The following SHB variants were observed in gnomAD, a reference collection of about 807,000 sequenced individuals.
The protein encoded by SHB is SH2 domain containing adaptor protein B.
Under a neutral mutation model 52.3 loss-of-function variants are expected in SHB, and 20 were observed. The observed-to-expected ratio is 0.38, with a 90% CI of 0.27 to 0.56. SHB has a LOEUF of 0.56. SHB is among the 20% of genes least tolerant of loss of function. The pLI is 0.71. For synonymous variants in SHB, 397 were observed against 316.5 expected, an observed-to-expected ratio of 1.25 and a Z score of -2.70; for missense variants, 825 against 723.3, an observed-to-expected ratio of 1.14 and a Z score of -1.61.
intron 2 of SHB, among the ~76,000 whole-genome samples, chr9:37,979,228 C>T (rs1366320846): frequency 6.6e-6 from 1 of 152,200 alleles, no homozygotes; most frequent in Non-Finnish European, 1.5e-5. Context: ...TATTAGGTGG[C>T]AGTCTGTAAT....
intron 3 of SHB, among the ~76,000 whole-genome samples, chr9:37,972,029 G>A (rs1013589028): frequency 1.3e-4 from 20 of 152,204 alleles, no homozygotes; most frequent in Non-Finnish European, 2.5e-4. Context: ...TGAGGCCAAT[G>A]CTGCTGGTTC....
chr9:37,974,899 C>T, intron 2 of SHB, 62 bp from the exon 3 acceptor site: 1 of 1,376,418 alleles, frequency 7.3e-7, no homozygotes, highest in Non-Finnish European at 1.0e-6. Flanking sequence ...ACCTGCATTC[C>T]CACCCAGAAA....
At position 37,974,619 on chromosome 9, in the gene SHB, T is replaced by A; in HGVS notation, c.1054+3A>T. ...CCTCCTGAGCAGGGTCAGGGCTCCT[T>A]ACCTGCCAGGGCTGGGATGGTGACC... On this transcript the variant is annotated splice_donor_region_variant and intron_variant, in intron 3 of 5. Coordinates refer to ENST00000377707, the MANE Select transcript of SHB (RefSeq NM_003028.3). 6.2e-7 allele frequency: 1 copy of A among 1,611,860 alleles called. No homozygotes were observed. Among genetic ancestry groups the A allele is most frequent in the South Asian group, 1.1e-5 (1 of 90,928 alleles).
chr9:37,962,379 T>C (rs568456687), intron 3 of SHB, among the ~76,000 whole-genome samples: 3 of 152,350 alleles, frequency 2.0e-5, no homozygotes, highest in East Asian at 1.9e-4. Context: ...TCAACATCAG[T>C]TGAAGGAATG....
chr9:37,923,209 G>A (rs1028308895), intron 5 of SHB, among the ~76,000 whole-genome samples: 3 of 152,336 alleles, frequency 2.0e-5, no homozygotes, highest in Non-Finnish European at 4.4e-5. Context: ...AGTGTTCCAT[G>A]TGAAGCCAGG....
chr9:38,065,162 G>A (rs541914877), intron 1 of SHB, among the ~76,000 whole-genome samples: 1 of 152,244 alleles, frequency 6.6e-6, no homozygotes, highest in African/African-American at 2.4e-5. Context: ...CATGAGTGAG[G>A]GGCAGAAGGA....
At chr9:37,990,739 T>C (rs1820871398) in intron 2 of SHB, among the ~76,000 whole-genome samples, 1 of 152,088 alleles carries the variant, frequency 6.6e-6, no homozygotes, top group Non-Finnish European at 1.5e-5. Context: ...GAGCCCAGAA[T>C]GAAGGGACCA....
At chr9:38,014,822 T>C (rs145483152) in intron 2 of SHB, among the ~76,000 whole-genome samples, 18 of 152,198 alleles carry the variant, frequency 1.2e-4, no homozygotes, top group African/African-American at 3.9e-4. Context: ...CCTTCAACAA[T>C]CAACCTGCAC....
At chr9:37,953,619 C>T (rs1439483952) in intron 4 of SHB, among the ~76,000 whole-genome samples, 1 of 152,102 alleles carries the variant, frequency 6.6e-6, no homozygotes, top group African/African-American at 2.4e-5. Context: ...AGATGTGTGC[C>T]TGCCCATCCA....
intron 1 of SHB, among the ~76,000 whole-genome samples, chr9:38,034,719 C>T (rs555255005): frequency 5.9e-5 from 9 of 152,178 alleles, no homozygotes; most frequent in East Asian, 1.9e-4. Flanking sequence ...TTTATTGAGA[C>T]GCAGTCTCGC....
At chr9:38,063,878 G>A (rs1234410120) in intron 1 of SHB, among the ~76,000 whole-genome samples, 2 of 151,090 alleles carry the variant, frequency 1.3e-5, no homozygotes, top group African/African-American at 2.4e-5. Context: ...CTCAACTCTG[G>A]ATGCTGACAA....
chr9:37,948,527 G>A, intron 5 of SHB, 108 bp downstream of exon 5: 1 of 1,362,750 alleles, frequency 7.3e-7, no homozygotes, highest in Non-Finnish European at 1.0e-6. Context: ...ACGTGTGCTG[G>A]CAAGTTTCCC....
intron 1 of SHB, among the ~76,000 whole-genome samples, chr9:38,039,841 T>C (rs1821549013): frequency 6.6e-6 from 1 of 152,250 alleles, no homozygotes; most frequent in Admixed American, 6.5e-5. Flanking sequence ...AACTTGCAGC[T>C]GGAGCTCGAG....
chr9:37,990,530 C>A (rs1461915308), intron 2 of SHB, among the ~76,000 whole-genome samples: 1 of 152,056 alleles, frequency 6.6e-6, no homozygotes, highest in South Asian at 2.1e-4. Context: ...GCACAGAAAA[C>A]AAATGTTTAA....
chr9:37,944,203 G>T (rs1012195653), intron 5 of SHB, among the ~76,000 whole-genome samples: 4 of 152,208 alleles, frequency 2.6e-5, no homozygotes, highest in African/African-American at 9.7e-5. Flanking sequence ...CCATGGAGGG[G>T]GCTCTGAGAT....
At chr9:38,002,464 G>A (rs1000138415) in intron 2 of SHB, among the ~76,000 whole-genome samples, 6 of 152,146 alleles carry the variant, frequency 3.9e-5, no homozygotes, top group African/African-American at 1.4e-4. Context: ...AGGCAGGGCA[G>A]GAGGCCTTGC....
intron 3 of SHB, among the ~76,000 whole-genome samples, chr9:37,958,184 G>A (rs1832656620): frequency 6.6e-6 from 1 of 152,250 alleles, no homozygotes; most frequent in Non-Finnish European, 1.5e-5. Flanking sequence ...TAGAGGGACA[G>A]AGAGCATGTG....
Position 38,063,793 on chromosome 9 carries a change from ATG to A in SHB, c.717+4134_717+4135del, listed in dbSNP as rs1211553899. 1.1e-4 allele frequency among the ~76,000 whole-genome samples: 14 copies of A among 131,870 alleles called. No individual in the cohort carries two copies. In the South Asian group the frequency reaches 2.6e-3, roughly 24 times the overall value. 86.5% of individuals were successfully genotyped at this position (131,870 alleles called of 152,430 possible). On this transcript the variant is annotated intron_variant, in intron 1 of 5. Transcript: ENST00000377707. Reference sequence around the variant, plus strand: ...AGGCAGTTTAGAAACTGTTTGCTGGATGTTTTTTTTTTTTTTTTTTTAAAGTT... The same window carrying A: ...AGGCAGTTTAGAAACTGTTTGCTGGATTTTTTTTTTTTTTTTTTTAAAGTT...
At chr9:37,969,642 T>C (rs1820569589) in intron 3 of SHB, among the ~76,000 whole-genome samples, 1 of 152,204 alleles carries the variant, frequency 6.6e-6, no homozygotes, top group Non-Finnish European at 1.5e-5. Flanking sequence ...CGAGGTCTGC[T>C]TCTACAGGCT....
Sources: gnomAD v4.1 joint callset for allele counts (sites outside exome capture counted in the v4.1 genomes callset) on GRCh38, gnomAD v4.1.1 for gene constraint, MANE v1.5 for transcripts, NCBI Gene and HGNC (gene_info 2026-07-23, HGNC 2026-07-21) for gene names.